The following NEDD9 variants were observed in gnomAD, a reference collection of about 807,000 sequenced individuals.
NEDD9 encodes the protein enhancer of filamentation 1.
Under a neutral mutation model 76.6 loss-of-function variants are expected in NEDD9, and 26 were observed. That is an observed-to-expected ratio of 0.34 (90% CI 0.25 to 0.47). The LOEUF (loss-of-function observed/expected upper bound fraction) is 0.47, where lower values mean the gene tolerates loss of function less well. Ranked by LOEUF, NEDD9 falls within the 20% of genes least tolerant of loss-of-function variation. The pLI, the probability that NEDD9 is intolerant of heterozygous loss-of-function variation, is 1.00. For missense variants in NEDD9, 937 were observed against 1,058.5 expected, an observed-to-expected ratio of 0.89 and a Z score of 1.59; for synonymous variants, 392 against 414.2, an observed-to-expected ratio of 0.95 and a Z score of 0.65.
At chr6:11,222,296 GATGTC>G (rs1446921107) in intron 1 of NEDD9, among the ~76,000 whole-genome samples, 1 of 152,208 alleles carries the variant, frequency 6.6e-6, no homozygotes, top group Admixed American at 6.5e-5. Context: ...AACTCTTTTA[GATGTC>G]ACTTGACCTG....
chr6:11,363,927 A>T (rs969041130), intron 1 of NEDD9, among the ~76,000 whole-genome samples: 8 of 152,204 alleles, frequency 5.3e-5, no homozygotes, highest in African/African-American at 1.4e-4. Flanking sequence ...AACAATCAAA[A>T]GGTAGCAAGC....
chr6:11,338,705 C>G (rs187507842), intron 1 of NEDD9, among the ~76,000 whole-genome samples: 5 of 152,200 alleles, frequency 3.3e-5, no homozygotes, highest in African/African-American at 1.2e-4. Context: ...AGGCAGATCA[C>G]AAGGTCAAGA....
At position 11,337,927 on chromosome 6, in the gene NEDD9, C is replaced by T. The variant is rs559991063; in HGVS notation, c.-213-3366G>A. Among the ~76,000 whole-genome samples the T allele has an allele frequency of 7.2e-5, 11 of 152,262 alleles. No individual in the cohort carries two copies. In the East Asian group the frequency reaches 1.5e-3, roughly 21 times the overall value. ...CAGCGTGTATTCACTTTATACATCTCGGGCATGAGGAGATGCATGTTACTA... is the reference window on the plus strand; with the variant it reads ...CAGCGTGTATTCACTTTATACATCTTGGGCATGAGGAGATGCATGTTACTA... On this transcript the variant is annotated intron_variant, in intron 1 of 3. Coordinates refer to the NEDD9 transcript ENST00000397378.
chr6:11,237,820 T>C lies in NEDD9; in HGVS notation c.13-24093A>G, dbSNP rs1759636145. Among the ~76,000 whole-genome samples, 1 of 152,058 alleles carries C rather than the reference T, an allele frequency of 6.6e-6. No homozygotes were observed. Among genetic ancestry groups the C allele is most frequent in the South Asian group, 2.1e-4 (1 of 4,816 alleles). ...AGTGCAAGGTACATCTATGCCTGAGTTCAGAATAAAGTATAGATCTTTCCA... is the reference window on the plus strand; with the variant it reads ...AGTGCAAGGTACATCTATGCCTGAGCTCAGAATAAAGTATAGATCTTTCCA... On this transcript the variant is annotated intron_variant, in intron 3 of 3. Transcript: ENST00000397378. This position sits in a 1 kb window ranked among gnomAD's most constrained non-coding sequence, Gnocchi z 4.9.
chr6:11,281,468 T>C (rs1013910295), intron 3 of NEDD9, among the ~76,000 whole-genome samples: 6 of 152,206 alleles, frequency 3.9e-5, no homozygotes, highest in Non-Finnish European at 8.8e-5. Flanking sequence ...CTCTGGACAT[T>C]GGTGTGAGAA....
Position 11,185,576 on chromosome 6 carries a change from G to C in NEDD9, c.2091C>G (p.Asn697Lys). The C allele has an allele frequency of 1.2e-6, 2 of 1,614,250 alleles. No individual in the cohort carries two copies. Among genetic ancestry groups the C allele is most frequent in the Non-Finnish European group, 1.7e-6 (2 of 1,180,048 alleles). ...GCCGATCCTGAGCACTCACGCCACTGTTTGTGGTGGGTAGGCTCTGAGAGG... is the reference window on the plus strand; with the variant it reads ...GCCGATCCTGAGCACTCACGCCACTCTTTGTGGTGGGTAGGCTCTGAGAGG... ...WKPSQSLPTT[N>K]SGVSAQDRQL... The change falls in exon 7 of 7, where the codon AAC (asparagine) becomes AAG (lysine). Residue 697 changes from asparagine to lysine, a missense_variant. By Grantham distance (94) the Asn-to-Lys change is moderately conservative (BLOSUM62 0). Coordinates refer to ENST00000379446, the MANE Select transcript of NEDD9 (RefSeq NM_006403.4).
At chr6:11,337,027 T>C (rs551049187) in intron 1 of NEDD9, among the ~76,000 whole-genome samples, 4 of 152,246 alleles carry the variant, frequency 2.6e-5, no homozygotes, top group African/African-American at 9.6e-5. Context: ...GAGACCAGCA[T>C]GGCCAATAGT....
chr6:11,367,369 G>A (rs757032572), intron 1 of NEDD9, among the ~76,000 whole-genome samples: 1 of 152,178 alleles, frequency 6.6e-6, no homozygotes, highest in Non-Finnish European at 1.5e-5. Flanking sequence ...GAAATTTAGG[G>A]AGTCTGTTAA....
chr6:11,325,809 C>G (rs1314164812), intron 2 of NEDD9, among the ~76,000 whole-genome samples: 1 of 152,180 alleles, frequency 6.6e-6, no homozygotes, highest in Non-Finnish European at 1.5e-5. Context: ...AAAAAGGAGT[C>G]ATTTTTAATC....
At chr6:11,196,113 G>A (rs1361875506) in intron 2 of NEDD9, among the ~76,000 whole-genome samples, 1 of 152,098 alleles carries the variant, frequency 6.6e-6, no homozygotes, top group East Asian at 1.9e-4. Context: ...GACCATCCTG[G>A]CTAACACAGT....
intron 2 of NEDD9, among the ~76,000 whole-genome samples, chr6:11,323,417 T>A (rs1422183549): frequency 6.6e-6 from 1 of 152,234 alleles, no homozygotes; most frequent in African/African-American, 2.4e-5. Context: ...AGTGGCGTCC[T>A]CTCAGACATG....
intron 3 of NEDD9, among the ~76,000 whole-genome samples, chr6:11,303,989 A>C (rs1172000845): frequency 6.6e-6 from 1 of 152,246 alleles, no homozygotes; most frequent in Non-Finnish European, 1.5e-5. Context: ...GCTTCTGCAC[A>C]GCAAAAGAAA....
chr6:11,232,686 T>C, upstream of NEDD9: 2 of 1,465,016 alleles, frequency 1.4e-6, no homozygotes, highest in African/African-American at 1.4e-5. Context: ...CTGTTGTGAC[T>C]GAGGCAGGCT....
At chr6:11,256,795 T>A (rs1760012966) in intron 3 of NEDD9, among the ~76,000 whole-genome samples, 3 of 152,222 alleles carry the variant, frequency 2.0e-5, no homozygotes, top group Admixed American at 2.0e-4. Context: ...AAACCCTGGA[T>A]TCAATAGAGC....
In NEDD9 at chr6:11,190,154, C is replaced by G. The variant is rs141832866; in HGVS notation, c.1715G>C (p.Ser572Thr). 1 of 1,614,140 alleles carries G rather than the reference C, an allele frequency of 6.2e-7. No individual in the cohort carries two copies. The highest frequency in any genetic ancestry group is 1.1e-5 in the South Asian group (1 of 91,082). The change falls in exon 5 of 7, where the codon AGC becomes ACC. Residue 572 changes from serine (S) to threonine (T), a missense_variant. Physicochemically the swap from Ser to Thr is moderately conservative, Grantham distance 58 (BLOSUM62 1). Transcript: ENST00000379446. The surrounding 1 kb of genome is among the most constrained non-coding windows in gnomAD (Gnocchi z 5.8). The stretch of plus-strand genomic sequence containing the variant: ...TGGGTACTCCGTTGAGTTCATGATG[C>G]TCTCCGGCCCATTCTTCAGATGCAA... The part of the protein sequence containing the change: ...GSLHLKNGPE[S>T]IMNSTEYPHG...
At position 11,345,743 on chromosome 6, in the gene NEDD9, A is replaced by G. The variant is rs541742110; in HGVS notation, c.-213-11182T>C. 2.0e-5 allele frequency among the ~76,000 whole-genome samples: 3 copies of G among 152,222 alleles called. No homozygotes were observed. In the East Asian group the frequency reaches 5.8e-4, roughly 29 times the overall value. On this transcript the variant is annotated intron_variant, in intron 1 of 3. Transcript: ENST00000397378. ...GGACTTTTCTCTGAGTAGAAAGTAC[A>G]TGACACATCATGCATTGGTTGCAAA...
chr6:11,265,831 G>A (rs2113332712), intron 3 of NEDD9, among the ~76,000 whole-genome samples: 1 of 152,250 alleles, frequency 6.6e-6, no homozygotes, highest in South Asian at 2.1e-4. Flanking sequence ...GTATATAAAT[G>A]CAATGGAATA....
At chr6:11,317,298 G>A (rs1761598258) in intron 2 of NEDD9, among the ~76,000 whole-genome samples, 1 of 151,968 alleles carries the variant, frequency 6.6e-6, no homozygotes, top group African/African-American at 2.4e-5. Context: ...CTGGGTATGG[G>A]GGTGCGGGCC....
intron 1 of NEDD9, among the ~76,000 whole-genome samples, chr6:11,367,244 C>G (rs1451826100): frequency 1.3e-5 from 2 of 152,224 alleles, no homozygotes; most frequent in Non-Finnish European, 2.9e-5. Flanking sequence ...AGGTCAGAGC[C>G]TCTGAGGTAG....
Sources: gnomAD v4.1 joint callset for allele counts (sites outside exome capture counted in the v4.1 genomes callset) on GRCh38, gnomAD v4.1.1 for gene constraint, Gnocchi (gnomAD v3.1) non-coding constraint, MANE v1.5 for transcripts, NCBI Gene and HGNC (gene_info 2026-07-23, HGNC 2026-07-21) for gene names.